AP3B1: variants seen among roughly 807,000 people sequenced by gnomAD.
The protein encoded by AP3B1 is AP-3 complex subunit beta-1.
AP3B1 carries 61 observed loss-of-function variants against 132.5 expected under a neutral mutation model. That is an observed-to-expected ratio of 0.46 (90% CI 0.37 to 0.57). AP3B1 has a LOEUF of 0.57. Ranked by LOEUF, AP3B1 falls within the 20% of genes least tolerant of loss-of-function variation. The probability of loss-of-function intolerance (pLI) is 0.00; values close to 1 mark genes in which losing one functional copy is unlikely to be tolerated. For synonymous variants in AP3B1, 388 were observed against 438.3 expected (o/e 0.89, Z 1.43); for missense variants, 1,120 against 1,289.4 (o/e 0.87, Z 2.01).
intron 3 of AP3B1, among the ~76,000 whole-genome samples, chr5:78,238,759 A>G (rs937622844): frequency 6.6e-6 from 1 of 152,010 alleles, no homozygotes; most frequent in Non-Finnish European, 1.5e-5. Context: ...GGAAGAATAG[A>G]AGACAAAAAT....
At chr5:78,176,505 T>A (rs1038663704) in intron 9 of AP3B1, among the ~76,000 whole-genome samples, 3 of 152,152 alleles carry the variant, frequency 2.0e-5, no homozygotes, top group African/African-American at 7.2e-5. Context: ...AATAAATACA[T>A]AGTTTTTTCC....
chr5:78,081,296 C>G (rs999953241), intron 22 of AP3B1, among the ~76,000 whole-genome samples: 10 of 145,506 alleles, frequency 6.9e-5, no homozygotes, highest in African/African-American at 2.6e-4. Context: ...CACAGCATTA[C>G]TTCATTTTTT....
At position 78,267,565 on chromosome 5, in the gene AP3B1, GCTCT is replaced by G. The variant is rs1748377008; in HGVS notation, c.155_158del (p.Glu52AlafsTer11). On this transcript the variant is annotated frameshift_variant, in exon 2 of 27. Transcript: ENST00000255194. LOFTEE classifies it high-confidence loss of function. ...CATCCAGTTTAGCAGAATCTTTGTTGCTCTCTAACATTTGCTTTAGATCTTCATT... is the reference window on the plus strand; with the variant it reads ...CATCCAGTTTAGCAGAATCTTTGTTGCTAACATTTGCTTTAGATCTTCATT... 6.2e-7 allele frequency: 1 copy of G among 1,610,506 alleles called. No homozygotes were observed. The highest frequency in any genetic ancestry group is 8.5e-7 in the Non-Finnish European group (1 of 1,177,920).
At chr5:78,002,299 G>T (rs964499296), downstream of AP3B1, 4 of 264,020 alleles carry the variant, frequency 1.5e-5, no homozygotes, top group Non-Finnish European at 2.8e-5. Context: ...ATTATTAATA[G>T]TTTCTCATTA....
intron 2 of AP3B1, among the ~76,000 whole-genome samples, chr5:78,265,911 G>A (rs532434818): frequency 3.9e-4 from 59 of 152,234 alleles, no homozygotes; most frequent in Non-Finnish European, 6.5e-4. Context: ...ACTTTGTTGG[G>A]CAAATGCCTC....
chr5:78,050,125 T>C (rs1221915455), intron 22 of AP3B1, among the ~76,000 whole-genome samples: 1 of 152,112 alleles, frequency 6.6e-6, no homozygotes, highest in Non-Finnish European at 1.5e-5. Flanking sequence ...ACCCTCTACC[T>C]GGAAGGCACT....
chr5:78,209,928 A>C (rs987086233), intron 7 of AP3B1, among the ~76,000 whole-genome samples: 4 of 152,244 alleles, frequency 2.6e-5, no homozygotes, highest in Non-Finnish European at 5.9e-5. Context: ...ATAGGAATAA[A>C]TTATAAACAA....
chr5:78,253,122 C>G (rs1328047835), intron 2 of AP3B1, among the ~76,000 whole-genome samples: 1 of 152,244 alleles, frequency 6.6e-6, no homozygotes, highest in Non-Finnish European at 1.5e-5. Context: ...TGTTCTAAGA[C>G]CATCTAGGCA....
chr5:78,225,416 G>A, intron 6 of AP3B1, 126 bp downstream of exon 6: 1 of 512,350 alleles, frequency 2.0e-6, no homozygotes, highest in South Asian at 4.4e-5. Flanking sequence ...AAATAGTCCT[G>A]TGTGCCATTA....
rs78944778 is a variant in AP3B1, at chr5:78,159,393, A to G, written c.1364-3026T>C. Among the ~76,000 whole-genome samples the G allele has an allele frequency of 7.2e-3, 1,100 of 152,304 alleles. 10 individuals are homozygous for G. Among genetic ancestry groups the G allele is most frequent in the African/African-American group, 0.025 (1,051 of 41,558 alleles). On this transcript the variant is annotated intron_variant, in intron 13 of 26. Transcript: ENST00000255194. Reference sequence around the variant, plus strand: ...AAACAATGCAAATTTATCATTGTACAGTTCTAAAGTCAGAAGTCTAACATA... The same window carrying G: ...AAACAATGCAAATTTATCATTGTACGGTTCTAAAGTCAGAAGTCTAACATA...
At chr5:78,052,573 T>C (rs1748628692) in intron 22 of AP3B1, among the ~76,000 whole-genome samples, 2 of 152,228 alleles carry the variant, frequency 1.3e-5, no homozygotes, top group South Asian at 4.1e-4. Flanking sequence ...TGCTGTTGCA[T>C]TAAAATGGCA....
At chr5:78,163,591 G>GTA (rs143965118) in intron 12 of AP3B1, among the ~76,000 whole-genome samples, 28 of 145,720 alleles carry the variant, frequency 1.9e-4, no homozygotes, top group South Asian at 6.5e-4. Context: ...GTGTGTGTGT[G>GTA]TATATATATA....
At chr5:78,241,274 C>T (rs373988058) in intron 2 of AP3B1, among the ~76,000 whole-genome samples, 45 of 151,614 alleles carry the variant, frequency 3.0e-4, no homozygotes, top group African/African-American at 1.1e-3. Flanking sequence ...TCATAGCTCA[C>T]GGCAGCTTCG....
At position 78,228,197 on chromosome 5, in the gene AP3B1, C is replaced by T. The variant is rs1326425026; in HGVS notation, c.322G>A (p.Glu108Lys). Residue 108 changes from glutamate (E) to lysine (K), a missense_variant, in exon 4 of 27, where the codon GAA becomes AAA. By Grantham distance (56) the Glu-to-Lys change is moderately conservative. This residue lies in a region of AP3B1 where 129 missense variants were observed against 212.4 expected (regional missense o/e 0.61). Transcript: ENST00000255194. ...GACAGGAGTGCAAGATCCTGCTGTT[C>T]TTCAGCATATCGAACCAGGTAAACA... is the stretch of plus-strand genomic sequence containing the variant. ...VYVYLVRYAE[E>K]QQDLALLSIS... 1 of 1,611,808 alleles carries T rather than the reference C, an allele frequency of 6.2e-7. No individual in the cohort carries two copies. The highest frequency in any genetic ancestry group is 1.7e-5 in the Admixed American group (1 of 59,826).
chr5:78,125,998 G>A (rs891605287), intron 17 of AP3B1, among the ~76,000 whole-genome samples: 1 of 151,818 alleles, frequency 6.6e-6, no homozygotes, highest in Non-Finnish European at 1.5e-5. Flanking sequence ...TTTGGTGGGT[G>A]GGGGCAGCAA....
At chr5:78,060,491 G>C (rs1748999352) in intron 22 of AP3B1, among the ~76,000 whole-genome samples, 1 of 152,126 alleles carries the variant, frequency 6.6e-6, no homozygotes, top group Non-Finnish European at 1.5e-5. Flanking sequence ...TATAATTCAA[G>C]AATATATTAC....
At chr5:78,119,737 T>G (rs916196830) in intron 17 of AP3B1, among the ~76,000 whole-genome samples, 8 of 152,116 alleles carry the variant, frequency 5.3e-5, no homozygotes, top group East Asian at 1.9e-4. Context: ...AAGTGACGGG[T>G]AGAATGGAAC....
At chr5:78,120,145 G>C (rs1752099514) in intron 17 of AP3B1, among the ~76,000 whole-genome samples, 1 of 152,156 alleles carries the variant, frequency 6.6e-6, no homozygotes, top group African/African-American at 2.4e-5. Context: ...AATGCTGAGA[G>C]AGTTTTGTCA....
At chr5:78,165,171 G>T (rs1437186383) in intron 12 of AP3B1, among the ~76,000 whole-genome samples, 2 of 152,098 alleles carry the variant, frequency 1.3e-5, no homozygotes, top group Non-Finnish European at 2.9e-5. Context: ...AAATCGTAGT[G>T]GGGCAATTAT....
Sources: gnomAD v4.1 joint callset for allele counts (sites outside exome capture counted in the v4.1 genomes callset) on GRCh38, gnomAD v4.1.1 for gene constraint, gnomAD v4.1.1 regional missense constraint, MANE v1.5 for transcripts, NCBI Gene and HGNC (gene_info 2026-07-23, HGNC 2026-07-21) for gene names.